The following BTN1A1 variants were observed in gnomAD, a reference collection of about 807,000 sequenced individuals.
BTN1A1 encodes the protein butyrophilin subfamily 1 member A1, also known as bK14H9.2 (butyrophilin, subfamily 1, member A1).
A neutral mutation model predicts 33.1 loss-of-function variants in BTN1A1; 26 were observed. That is an observed-to-expected ratio of 0.79 (90% CI 0.58 to 1.09). The LOEUF (loss-of-function observed/expected upper bound fraction) is 1.09. BTN1A1 is among the 50% of genes least tolerant of loss of function. The pLI is 0.00. For synonymous variants in BTN1A1, 235 were observed against 256.2 expected, an observed-to-expected ratio of 0.92 and a Z score of 0.79; for missense variants, 558 against 655.7, an observed-to-expected ratio of 0.85 and a Z score of 1.63.
In BTN1A1 at chr6:26,500,873, C is replaced by A. The variant is rs530310769; in HGVS notation, c.-57-357C>A. ...GAGGTTGCATTGAGCCGAGATCATG[C>A]CACTGCACTCCAAGCTGGGCAACAG... On this transcript the variant is annotated intron_variant, in intron 1 of 7. Coordinates refer to ENST00000684113, the MANE Select transcript of BTN1A1 (RefSeq NM_001732.3). 8.5e-5 allele frequency among the ~76,000 whole-genome samples: 13 copies of A among 152,224 alleles called. No individual in the cohort carries two copies. The East Asian group carries it at 2.5e-3, about 29-fold the overall frequency.
In BTN1A1 at chr6:26,509,244, T is replaced by C; in HGVS notation, c.*70T>C. ...CTCCATAGCCTTCTGAGGCTTCACC[T>C]GCTAGCTTTACCCAGTCTGTTTCTT... On this transcript the variant is annotated 3_prime_UTR_variant, in exon 8 of 8. Transcript: ENST00000684113. 7.3e-7 allele frequency: 1 copy of C among 1,376,854 alleles called. No individual in the cohort carries two copies. Among genetic ancestry groups the C allele is most frequent in the South Asian group, 1.4e-5 (1 of 72,922 alleles). 85.3% of individuals were successfully genotyped at this position (1,376,854 alleles called of 1,614,324 possible). A position where few individuals can be genotyped will look rare whatever the true frequency, so the allele number is the denominator to read the frequency against.
At position 26,508,092 on chromosome 6, in the gene BTN1A1, G is replaced by A; in HGVS notation, c.907+5G>A. ...AAAAGGCTACCTTGCATGCAGGTCA[G>A]TGGCTCTGAACTTCTCTAGGGCTCT... is the stretch of plus-strand genomic sequence containing the variant. On this transcript the variant is annotated splice_donor_5th_base_variant and intron_variant, in intron 7 of 7. Transcript: ENST00000684113. 6.2e-7 allele frequency: 1 copy of A among 1,610,404 alleles called. No individual in the cohort carries two copies. The highest frequency in any genetic ancestry group is 8.5e-7 in the Non-Finnish European group (1 of 1,178,852).
At chr6:26,508,421 C>A (rs1763899445) in intron 7 of BTN1A1, 80 bp from the exon 8 acceptor site, 2 of 1,452,002 alleles carry the variant, frequency 1.4e-6, no homozygotes, top group African/African-American at 1.4e-5. Flanking sequence ...CAACAGTGTT[C>A]TGTTTCTTAG....
intron 1 of BTN1A1, among the ~76,000 whole-genome samples, chr6:26,500,712 C>T (rs564929850): frequency 7.2e-5 from 11 of 152,208 alleles, no homozygotes; most frequent in African/African-American, 2.2e-4. Flanking sequence ...GTCAGGAGTT[C>T]GAGGCCAGCC....
intron 7 of BTN1A1, 114 bp from the exon 8 acceptor site, chr6:26,508,387 C>T (rs1256142159): frequency 1.6e-6 from 2 of 1,253,964 alleles, no homozygotes; most frequent in Admixed American, 4.3e-5. Context: ...ATCCCCCCAC[C>T]TCCAGAAGAC....
intron 4 of BTN1A1, 100 bp downstream of exon 4, chr6:26,505,306 T>A: frequency 1.6e-6 from 2 of 1,245,188 alleles, no homozygotes; most frequent in Non-Finnish European, 2.3e-6. Context: ...CAGAGTTGTC[T>A]ACTTTCCCCA....
At chr6:26,508,191 A>T in intron 7 of BTN1A1, 104 bp downstream of exon 7, 1 of 1,372,468 alleles carries the variant, frequency 7.3e-7, no homozygotes, top group South Asian at 1.4e-5. Context: ...AGTGATGAGG[A>T]CAGGAAGGGA....
In BTN1A1 at chr6:26,501,928, A is replaced by AATC. The variant is rs1319525573; in HGVS notation, c.419_420insTCA (p.Lys140delinsAsnGln). 1 of 1,568,304 alleles carries AATC rather than the reference A, an allele frequency of 6.4e-7. No individual in the cohort carries two copies. The highest frequency in any genetic ancestry group is 1.2e-5 in the South Asian group (1 of 83,756). ...CTACGAAGAAGCCCTGGTGCATCTG[A>AATC]AGGTGGCTGGTGAGTAGACGGGTTT... On this transcript the variant is annotated protein_altering_variant, in exon 3 of 8. Coordinates refer to ENST00000684113, the MANE Select transcript of BTN1A1 (RefSeq NM_001732.3). This position sits in a 1 kb window ranked among gnomAD's most constrained non-coding sequence, Gnocchi z 5.2.
intron 6 of BTN1A1, 33 bp from the exon 7 acceptor site, chr6:26,508,028 C>G: frequency 6.2e-7 from 1 of 1,613,040 alleles, no homozygotes; most frequent in Non-Finnish European, 8.5e-7. Context: ...TATTATATAA[C>G]CTGTCAATGA....
intron 5 of BTN1A1, 92 bp downstream of exon 5, chr6:26,506,924 C>T (rs1015199693): frequency 6.8e-7 from 1 of 1,468,344 alleles, no homozygotes. Flanking sequence ...TTTAGGATGA[C>T]AGGAAGATAT....
At chr6:26,504,201 G>C (rs1366456985) in intron 3 of BTN1A1, among the ~76,000 whole-genome samples, 1 of 152,126 alleles carries the variant, frequency 6.6e-6, no homozygotes, top group African/African-American at 2.4e-5. Context: ...ATAATCTCAA[G>C]CCAAAGAATC....
intron 3 of BTN1A1, among the ~76,000 whole-genome samples, chr6:26,504,321 C>T (rs1446308551): frequency 6.6e-6 from 1 of 152,118 alleles, no homozygotes. Flanking sequence ...AGACCACTAA[C>T]CCACCTCTGA....
Position 26,501,769 on chromosome 6 carries a change from C to CAGAT in BTN1A1, c.260_263dup (p.Met88IlefsTer32). 1 of 1,613,692 alleles carries CAGAT rather than the reference C, an allele frequency of 6.2e-7. No individual in the cohort carries two copies. ...GGACGGGCGCGAGCAGGAAGCCGAG[C>CAGAT]AGATGCCCGAGTACCGCGGGCGGGC... On this transcript the variant is annotated frameshift_variant, in exon 3 of 8. Transcript: ENST00000684113. LOFTEE classifies it high-confidence loss of function. This position sits in a 1 kb window ranked among gnomAD's most constrained non-coding sequence, Gnocchi z 5.2.
At chr6:26,503,153 C>T (rs1378593978) in intron 3 of BTN1A1, among the ~76,000 whole-genome samples, 1 of 151,834 alleles carries the variant, frequency 6.6e-6, no homozygotes, top group African/African-American at 2.4e-5. Flanking sequence ...GTTGCCACTG[C>T]ACTCCAGCCT....
chr6:26,508,364 G>A (rs1480150770), intron 7 of BTN1A1, 137 bp from the exon 8 acceptor site: 2 of 1,067,006 alleles, frequency 1.9e-6, no homozygotes, highest in Admixed American at 2.2e-5. Flanking sequence ...GGAGACCCCT[G>A]AGCAGGCCAA....
At chr6:26,507,845 T>G in intron 5 of BTN1A1, 105 bp from the exon 6 acceptor site, 1 of 1,157,548 alleles carries the variant, frequency 8.6e-7, no homozygotes, top group Non-Finnish European at 1.3e-6. Flanking sequence ...ATTCAAATAG[T>G]CATGAATTAA....
At position 26,503,015 on chromosome 6, in the gene BTN1A1, T is replaced by A. The variant is rs148875362; in HGVS notation, c.427+1078T>A. Among the ~76,000 whole-genome samples the A allele has an allele frequency of 1.7e-3, 258 of 152,260 alleles. 2 individuals are homozygous for A. Among genetic ancestry groups the A allele is most frequent in the Non-Finnish European group, 2.5e-3 (173 of 68,018 alleles). On this transcript the variant is annotated intron_variant, in intron 3 of 7. Transcript: ENST00000684113. ...TACTGTAAAACTGAGGATGTTTTTA[T>A]CTAAGATTATTTTTCAAGAATAAAA...
intron 5 of BTN1A1, among the ~76,000 whole-genome samples, chr6:26,507,395 CT>C (rs1763884475): frequency 6.6e-6 from 1 of 152,140 alleles, no homozygotes; most frequent in Non-Finnish European, 1.5e-5. Flanking sequence ...CCTACTCCCA[CT>C]TTTAACTCAA....
intron 3 of BTN1A1, among the ~76,000 whole-genome samples, chr6:26,502,550 T>G (rs1053064641): frequency 6.6e-6 from 1 of 152,228 alleles, no homozygotes; most frequent in Non-Finnish European, 1.5e-5. Context: ...TTGTAGAACT[T>G]TATTTCAATT....
Sources: gnomAD v4.1 joint callset for allele counts (sites outside exome capture counted in the v4.1 genomes callset) on GRCh38, gnomAD v4.1.1 for gene constraint, Gnocchi (gnomAD v3.1) non-coding constraint, MANE v1.5 for transcripts, NCBI Gene and HGNC (gene_info 2026-07-23, HGNC 2026-07-21) for gene names.